RBFOX3: variants seen among roughly 807,000 people sequenced by gnomAD.
RBFOX3 encodes the protein RNA binding fox-1 homolog 3, also known as RNA binding protein fox-1 homolog 3.
RBFOX3 carries 17 observed loss-of-function variants against 48.7 expected under a neutral mutation model. That is an observed-to-expected ratio of 0.35 (90% CI 0.24 to 0.52). RBFOX3 has a LOEUF of 0.52. Ranked by LOEUF, RBFOX3 falls within the 20% of genes least tolerant of loss-of-function variation. The pLI, the probability that RBFOX3 is intolerant of heterozygous loss-of-function variation, is 0.94. For synonymous variants in RBFOX3, 212 were observed against 209.5 expected (o/e 1.01, Z -0.10); for missense variants, 382 against 497.5 (o/e 0.77, Z 2.21).
intron 2 of RBFOX3, among the ~76,000 whole-genome samples, chr17:79,368,298 G>A (rs201040391): frequency 7.2e-6 from 1 of 138,464 alleles, no homozygotes; most frequent in East Asian, 2.1e-4. Flanking sequence ...CAGCTGAGGA[G>A]AGACCTCCCC....
At chr17:79,617,531 C>T in the RBFOX3 span, among the ~76,000 whole-genome samples, 11 of 152,318 alleles carry the variant, frequency 7.2e-5, no homozygotes, top group East Asian at 5.8e-4. Context: ...CAGGTGGCCC[C>T]GTGGCCAAGT....
chr17:79,540,007 C>T (rs1555789781), intron 1 of RBFOX3, among the ~76,000 whole-genome samples: 1 of 152,150 alleles, frequency 6.6e-6, no homozygotes, highest in African/African-American at 2.4e-5. Context: ...ATCTGGCAAC[C>T]CTGGGGACAG....
At chr17:79,665,478 C>G in the RBFOX3 span, among the ~76,000 whole-genome samples, 6 of 150,712 alleles carry the variant, frequency 4.0e-5, no homozygotes, top group East Asian at 1.2e-3. Flanking sequence ...TGCGGCTTTG[C>G]CAGTGACTTG....
intron 3 of RBFOX3, among the ~76,000 whole-genome samples, chr17:79,275,576 GC>G (rs1375209589): frequency 1.3e-5 from 2 of 152,148 alleles, no homozygotes; most frequent in African/African-American, 4.8e-5. Context: ...ATGGGTGAGG[GC>G]CCCTCCCCAA....
intron 3 of RBFOX3, among the ~76,000 whole-genome samples, chr17:79,300,816 C>T (rs569043387): frequency 6.6e-6 from 1 of 152,144 alleles, no homozygotes; most frequent in Non-Finnish European, 1.5e-5. Context: ...CCTGGGGCTG[C>T]ACTTGTATTT....
At chr17:79,127,408 G>A (rs531812272) in intron 4 of RBFOX3, among the ~76,000 whole-genome samples, 3 of 152,368 alleles carry the variant, frequency 2.0e-5, no homozygotes, top group East Asian at 1.9e-4. Context: ...TGAGGGAGGA[G>A]AGGAGGTGGG....
At position 79,174,713 on chromosome 17, in the gene RBFOX3, CATGCACACA is replaced by C. The variant is rs910184250; in HGVS notation, c.-33-58974_-33-58966del. ...ACATGCACTTGCACACACACAGACA[CATGCACACA>C]ATGCATTCACACGCACACATACACT... On this transcript the variant is annotated intron_variant, in intron 4 of 14. Coordinates refer to ENST00000693108, the MANE Select transcript of RBFOX3 (RefSeq NM_001350451.2). Among the ~76,000 whole-genome samples, 74 of 152,326 alleles carry C rather than the reference CATGCACACA, an allele frequency of 4.9e-4. 1 individual carries two copies. Among genetic ancestry groups the C allele is most frequent in the African/African-American group, 1.7e-3 (69 of 41,570 alleles).
intron 1 of RBFOX3, among the ~76,000 whole-genome samples, chr17:79,581,320 G>A (rs2093051480): frequency 1.3e-5 from 2 of 152,198 alleles, no homozygotes; most frequent in Non-Finnish European, 2.9e-5. Flanking sequence ...TGTCACGGAA[G>A]CCTCCGGGCT....
intron 4 of RBFOX3, among the ~76,000 whole-genome samples, chr17:79,138,864 CCT>C (rs1483142215): frequency 1.2e-4 from 17 of 141,428 alleles, no homozygotes; most frequent in South Asian, 2.4e-4. Context: ...ATTCACGCCC[CCT>C]CTCACCCACA....
chr17:79,121,847 T>TA lies in RBFOX3; in HGVS notation c.-33-6100dup, dbSNP rs201267384. 1.7e-3 allele frequency among the ~76,000 whole-genome samples: 252 copies of TA among 151,418 alleles called. 1 individual carries two copies. Among genetic ancestry groups the TA allele is most frequent in the African/African-American group, 5.8e-3 (238 of 41,288 alleles). ...GAAGGTTTTGATTTAGTCTCCAAAT[T>TA]AAAAAAAAACATCTGTATGTTGACA... On this transcript the variant is annotated intron_variant, in intron 4 of 14. Transcript: ENST00000693108.
intron 2 of RBFOX3, among the ~76,000 whole-genome samples, chr17:79,373,629 A>G (rs989386759): frequency 6.6e-6 from 1 of 151,428 alleles, no homozygotes; most frequent in African/African-American, 2.4e-5. Flanking sequence ...TACAGCCCAC[A>G]CTGGAGGCCC....
intron 4 of RBFOX3, among the ~76,000 whole-genome samples, chr17:79,200,523 G>A (rs965424060): frequency 4.6e-5 from 7 of 152,234 alleles, no homozygotes; most frequent in African/African-American, 1.4e-4. Flanking sequence ...GCCGCCGGAG[G>A]GACAGCGGTG....
At chr17:79,096,582 A>G in intron 12 of RBFOX3, 71 bp downstream of exon 12, 6 of 1,332,390 alleles carry the variant, frequency 4.5e-6, no homozygotes, top group Non-Finnish European at 6.3e-6. Flanking sequence ...GTGAGAGAGG[A>G]GACGCCGACT....
chr17:79,616,287 G>A, the RBFOX3 span, among the ~76,000 whole-genome samples: 2 of 152,080 alleles, frequency 1.3e-5, no homozygotes, highest in Admixed American at 6.6e-5. Context: ...TGTATTCCTA[G>A]CACTTTGGGA....
chr17:79,166,106 A>G (rs1272892327), intron 4 of RBFOX3, among the ~76,000 whole-genome samples: 3 of 152,174 alleles, frequency 2.0e-5, no homozygotes, highest in Non-Finnish European at 4.4e-5. Flanking sequence ...ACTAGGTACA[A>G]CAGAGGGATA....
chr17:79,138,974 T>C (rs543831958), intron 4 of RBFOX3, among the ~76,000 whole-genome samples: 6 of 135,472 alleles, frequency 4.4e-5, no homozygotes, highest in Admixed American at 4.4e-4. Context: ...ACACAGCACA[T>C]GCGTTCACAC....
intron 4 of RBFOX3, among the ~76,000 whole-genome samples, chr17:79,139,011 T>A (rs1344468771): frequency 1.7e-5 from 2 of 117,276 alleles, no homozygotes; most frequent in Non-Finnish European, 3.5e-5. Context: ...ACACAGCACA[T>A]GCGTTCATGC....
At chr17:79,506,424 G>GTT (rs1418268158) in intron 1 of RBFOX3, among the ~76,000 whole-genome samples, 13 of 152,258 alleles carry the variant, frequency 8.5e-5, no homozygotes, top group Non-Finnish European at 1.9e-4. Flanking sequence ...CCATCTGTCT[G>GTT]TTGTGGGGAG....
chr17:79,211,556 C>T (rs115994777), intron 4 of RBFOX3, among the ~76,000 whole-genome samples: 2,245 of 152,296 alleles, frequency 0.015, 36 homozygotes, highest in South Asian at 0.05. Context: ...GGGGCCGTGT[C>T]GCTGCTGCCA....
Sources: allele counts gnomAD v4.1 joint callset (sites outside exome capture counted in the v4.1 genomes callset), GRCh38; gene constraint gnomAD v4.1.1; transcripts MANE v1.5; gene names NCBI Gene and HGNC (gene_info 2026-07-23, HGNC 2026-07-21).